Variants in STK10 observed in about 807,000 individuals in gnomAD.
STK10 encodes the protein serine/threonine-protein kinase 10.
In STK10, 78 loss-of-function variants were observed where a neutral mutation model predicts 113.8. The observed-to-expected ratio is 0.69, with a 90% CI of 0.57 to 0.83. STK10 has a LOEUF of 0.83. Among genes scored for constraint, STK10 ranks in the 40% least tolerant of loss-of-function variants. The probability of loss-of-function intolerance (pLI) is 0.00; values close to 1 mark genes in which losing one functional copy is unlikely to be tolerated. For missense variants in STK10, 1,109 were observed against 1,280.1 expected, an observed-to-expected ratio of 0.87 and a Z score of 2.04; for synonymous variants, 465 against 494.7, an observed-to-expected ratio of 0.94 and a Z score of 0.80.
intron 2 of STK10, among the ~76,000 whole-genome samples, chr5:172,141,769 T>C (rs953829134): frequency 1.3e-5 from 2 of 152,008 alleles, no homozygotes; most frequent in African/African-American, 4.8e-5. Context: ...TCTCAGAGGG[T>C]GTCTGATGGG....
intron 14 of STK10, among the ~76,000 whole-genome samples, chr5:172,057,770 G>A (rs1767842403): frequency 6.6e-6 from 1 of 152,174 alleles, no homozygotes; most frequent in African/African-American, 2.4e-5. Context: ...TCCATCGGTG[G>A]GATTAGGAAT....
At chr5:172,165,176 C>T (rs1465075179) in intron 1 of STK10, among the ~76,000 whole-genome samples, 4 of 152,120 alleles carry the variant, frequency 2.6e-5, no homozygotes, top group South Asian at 2.1e-4. Flanking sequence ...CCTTCCCTCC[C>T]GGCTGCCCAC....
At chr5:172,048,051 C>T (rs982285028) in intron 18 of STK10, among the ~76,000 whole-genome samples, 8 of 151,992 alleles carry the variant, frequency 5.3e-5, no homozygotes, top group South Asian at 4.1e-4. Context: ...TACAGGCATG[C>T]GCCACTGTGC....
At chr5:172,141,703 G>A (rs1769975748) in intron 2 of STK10, among the ~76,000 whole-genome samples, 1 of 152,150 alleles carries the variant, frequency 6.6e-6, no homozygotes, top group Non-Finnish European at 1.5e-5. Flanking sequence ...TGTCAGAGGT[G>A]TGGTCTCTGC....
chr5:172,181,984 C>T (rs1047665833), intron 1 of STK10, among the ~76,000 whole-genome samples: 1 of 151,910 alleles, frequency 6.6e-6, no homozygotes, highest in African/African-American at 2.4e-5. Flanking sequence ...TGGTAAACTC[C>T]CAATTTTGCA....
At chr5:172,077,201 G>A (rs1185131832) in intron 12 of STK10, among the ~76,000 whole-genome samples, 2 of 152,190 alleles carry the variant, frequency 1.3e-5, no homozygotes, top group African/African-American at 2.4e-5. Flanking sequence ...GAACTCGTTC[G>A]AGTTCCTCAT....
chr5:172,111,604 A>G (rs1163240117), intron 4 of STK10, among the ~76,000 whole-genome samples: 1 of 152,212 alleles, frequency 6.6e-6, no homozygotes, highest in East Asian at 1.9e-4. Flanking sequence ...GCCCTTGAGC[A>G]ATTCAAAAGG....
chr5:172,134,273 CAA>C (rs1435168891), intron 2 of STK10, among the ~76,000 whole-genome samples: 1 of 152,116 alleles, frequency 6.6e-6, no homozygotes, highest in Non-Finnish European at 1.5e-5. Flanking sequence ...TGCCTCAAAC[CAA>C]AGAGTGAGGG....
intron 18 of STK10, among the ~76,000 whole-genome samples, chr5:172,046,675 T>C (rs1682994449): frequency 6.6e-6 from 1 of 152,230 alleles, no homozygotes; most frequent in Non-Finnish European, 1.5e-5. Context: ...CGATCTTTTT[T>C]CTGTTATGTG....
intron 17 of STK10, 198 bp from the exon 18 acceptor site, chr5:172,053,240 T>C (rs1767669685): frequency 5.3e-6 from 3 of 566,598 alleles, no homozygotes; most frequent in Non-Finnish European, 9.4e-6. Flanking sequence ...GTCCAGAATA[T>C]GTTAATAGTT....
intron 18 of STK10, among the ~76,000 whole-genome samples, chr5:172,050,132 T>C (rs1053807222): frequency 3.3e-5 from 5 of 152,234 alleles, no homozygotes; most frequent in Admixed American, 1.3e-4. Context: ...AGTTTTTCAA[T>C]TAAAACAATA....
intron 1 of STK10, among the ~76,000 whole-genome samples, chr5:172,173,965 C>A (rs1389300341): frequency 6.6e-6 from 1 of 152,142 alleles, no homozygotes; most frequent in African/African-American, 2.4e-5. Flanking sequence ...AGGTGACTTG[C>A]CCAAAGTCAC....
chr5:172,060,136 G>A (rs986385170), intron 14 of STK10, among the ~76,000 whole-genome samples: 12 of 152,100 alleles, frequency 7.9e-5, no homozygotes, highest in Non-Finnish European at 1.2e-4. Flanking sequence ...GGCTGGGCAC[G>A]TTGGCTTATG....
chr5:172,048,142 T>C (rs921637803), intron 18 of STK10, among the ~76,000 whole-genome samples: 26 of 152,152 alleles, frequency 1.7e-4, no homozygotes, highest in Admixed American at 1.4e-3. Context: ...AAACACCAGC[T>C]AGATGTCACT....
chr5:172,112,317 A>ACAC (rs1201298298), intron 4 of STK10, among the ~76,000 whole-genome samples: 1 of 151,376 alleles, frequency 6.6e-6, no homozygotes, highest in Non-Finnish European at 1.5e-5. Flanking sequence ...ATGTGCATAC[A>ACAC]CACACACACA....
chr5:172,122,209 T>C lies in STK10; in HGVS notation c.371-4579A>G, dbSNP rs540894023. ...CAGGATTATTGAGGTATAATTTACA[T>C]ATATAAAAAATTCACTTTTTTAAGG... On this transcript the variant is annotated intron_variant, in intron 3 of 18. Transcript: ENST00000176763. Among the ~76,000 whole-genome samples the C allele has an allele frequency of 2.6e-5, 4 of 152,262 alleles. No individual in the cohort carries two copies. The East Asian group carries it at 7.7e-4, about 29-fold the overall frequency.
intron 7 of STK10, among the ~76,000 whole-genome samples, chr5:172,098,629 T>C (rs1768908222): frequency 6.6e-6 from 1 of 152,132 alleles, no homozygotes. Context: ...TGCTCTGTAC[T>C]TTTAAGAGGT....
chr5:172,101,013 A>G (rs762722719), intron 7 of STK10, among the ~76,000 whole-genome samples: 4 of 152,124 alleles, frequency 2.6e-5, no homozygotes, highest in Non-Finnish European at 5.9e-5. Context: ...TGTGCCAGCT[A>G]CTTCACTGCT....
chr5:172,096,599 GGGTCAC>G lies in STK10; in HGVS notation c.871-45_871-40del, dbSNP rs758607254. ...ATGCACCCAGATTAGAACCACTCTGGGGTCACGGTGGGGTGGAAGAGGCTGGGGGAG... is the reference window on the plus strand; with the variant it reads ...ATGCACCCAGATTAGAACCACTCTGGGGTGGGGTGGAAGAGGCTGGGGGAG... On this transcript the variant is annotated intron_variant, in intron 7 of 18. Coordinates refer to ENST00000176763, the MANE Select transcript of STK10 (RefSeq NM_005990.4). 4 of 1,604,458 alleles carry G rather than the reference GGGTCAC, an allele frequency of 2.5e-6. No homozygotes were observed. The African/African-American group carries it at 5.3e-5, about 21-fold the overall frequency.
Sources: allele counts gnomAD v4.1 joint callset (sites outside exome capture counted in the v4.1 genomes callset), GRCh38; gene constraint gnomAD v4.1.1; transcripts MANE v1.5; gene names NCBI Gene and HGNC (gene_info 2026-07-23, HGNC 2026-07-21).